The following ST14 variants were observed in gnomAD, a reference collection of about 807,000 sequenced individuals.
The protein encoded by ST14 is ST14 transmembrane serine protease matriptase.
ST14 carries 40 observed loss-of-function variants against 96.5 expected under a neutral mutation model. That is an observed-to-expected ratio of 0.41 (90% CI 0.32 to 0.54). The LOEUF (loss-of-function observed/expected upper bound fraction) is 0.54, where lower values mean the gene tolerates loss of function less well. Ranked by LOEUF, ST14 falls within the 20% of genes least tolerant of loss-of-function variation. The probability of loss-of-function intolerance (pLI) is 0.17; values close to 1 mark genes in which losing one functional copy is unlikely to be tolerated. For missense variants in ST14, 1,066 were observed against 1,188.9 expected, an observed-to-expected ratio of 0.90 and a Z score of 1.52; for synonymous variants, 506 against 492.1, an observed-to-expected ratio of 1.03 and a Z score of -0.37.
chr11:130,186,609 C>A (rs1219982990), intron 1 of ST14, among the ~76,000 whole-genome samples: 1 of 152,034 alleles, frequency 6.6e-6, no homozygotes, highest in Non-Finnish European at 1.5e-5. Flanking sequence ...GCAGGAAAAA[C>A]AAAGACATAT....
chr11:130,160,823 G>T (rs778601277), intron 1 of ST14, among the ~76,000 whole-genome samples: 10 of 152,218 alleles, frequency 6.6e-5, no homozygotes, highest in Admixed American at 1.3e-4. Flanking sequence ...CCACCTAGGT[G>T]GTAGTGCCCG....
chr11:130,195,846 T>C (rs1269895821), intron 9 of ST14, among the ~76,000 whole-genome samples: 1 of 45,476 alleles, frequency 2.2e-5, no homozygotes, highest in East Asian at 1.1e-3. Flanking sequence ...GAGTGAGACT[T>C]TGTCTCAAAA....
At chr11:130,172,914 C>T (rs753467525) in intron 1 of ST14, among the ~76,000 whole-genome samples, 3 of 152,172 alleles carry the variant, frequency 2.0e-5, no homozygotes. Flanking sequence ...ACGAGCCTCA[C>T]GCATCTGCAG....
intron 1 of ST14, among the ~76,000 whole-genome samples, chr11:130,170,030 A>G (rs1953076327): frequency 6.6e-6 from 1 of 152,142 alleles, no homozygotes; most frequent in East Asian, 1.9e-4. Flanking sequence ...TGCAAACTAA[A>G]TGGGATCGAA....
At chr11:130,195,108 G>A (rs548609301) in intron 9 of ST14, among the ~76,000 whole-genome samples, 2 of 152,142 alleles carry the variant, frequency 1.3e-5, no homozygotes, top group African/African-American at 2.4e-5. Context: ...AATTAGCCAG[G>A]CAGGTGATAC....
chr11:130,160,492 C>T (rs1443937848), intron 1 of ST14, among the ~76,000 whole-genome samples: 1 of 152,168 alleles, frequency 6.6e-6, no homozygotes. Context: ...TTTCGTCTCT[C>T]TCCTTCCCCG....
chr11:130,192,215 C>G (rs1404437936), intron 7 of ST14, among the ~76,000 whole-genome samples: 2 of 152,148 alleles, frequency 1.3e-5, no homozygotes, highest in African/African-American at 4.8e-5. Context: ...AAATTCAGGC[C>G]AAGAACAACC....
At chr11:130,192,088 C>T (rs1565624792) in intron 7 of ST14, among the ~76,000 whole-genome samples, 1 of 152,214 alleles carries the variant, frequency 6.6e-6, no homozygotes, top group South Asian at 2.1e-4. Context: ...GGGCGTACCT[C>T]GCAGAGGTGC....
At chr11:130,180,326 A>G (rs888375814) in intron 1 of ST14, among the ~76,000 whole-genome samples, 2 of 152,192 alleles carry the variant, frequency 1.3e-5, no homozygotes, top group African/African-American at 2.4e-5. Flanking sequence ...TGAGGTTTCC[A>G]GGTTCAGCCG....
chr11:130,190,040 TA>T, intron 5 of ST14, 72 bp from the exon 6 acceptor site: 3 of 1,612,324 alleles, frequency 1.9e-6, no homozygotes, highest in Non-Finnish European at 2.5e-6. Context: ...CACCTCCCTT[TA>T]GATAATAAGG....
chr11:130,183,542 TAA>T lies in ST14; in HGVS notation c.82-4554_82-4553del, dbSNP rs751348726. ...GGCAACATAGCAAGACCCTGTATCTTAAAAAAAAAAAAAAAAAAAGATTGCAT... is the reference window on the plus strand; with the variant it reads ...GGCAACATAGCAAGACCCTGTATCTTAAAAAAAAAAAAAAAAAGATTGCAT... On this transcript the variant is annotated intron_variant, in intron 1 of 18. Coordinates refer to ENST00000278742, the MANE Select transcript of ST14 (RefSeq NM_021978.4). 9.2e-3 allele frequency among the ~76,000 whole-genome samples: 1,169 copies of T among 126,868 alleles called. 11 individuals carry two copies. Among genetic ancestry groups the T allele is most frequent in the African/African-American group, 0.028 (1,015 of 35,656 alleles). The allele number at this position is 126,868 out of a possible 152,430, so 83.2% of individuals were successfully genotyped here.
intron 16 of ST14, among the ~76,000 whole-genome samples, chr11:130,205,699 GTTTTTTTTTTTGT>G (rs1177393074): frequency 3.2e-5 from 3 of 94,662 alleles, no homozygotes; most frequent in South Asian, 4.3e-4. Flanking sequence ...TTCTTTAGAC[GTTTTTTTTTTTGT>G]TTTTTTTTTT....
At position 130,181,407 on chromosome 11, in the gene ST14, G is replaced by T. The variant is rs1953191860; in HGVS notation, c.82-6707G>T. On this transcript the variant is annotated intron_variant, in intron 1 of 18. Transcript: ENST00000278742. This position sits in a 1 kb window ranked among gnomAD's most constrained non-coding sequence, Gnocchi z 4.1. Reference sequence around the variant, plus strand: ...TAACTACAGTGGGCCAGCAGGAAGAGGCTGTGATATTTACATGGCCTCTAT... The same window carrying T: ...TAACTACAGTGGGCCAGCAGGAAGATGCTGTGATATTTACATGGCCTCTAT... Among the ~76,000 whole-genome samples the T allele has an allele frequency of 1.3e-5, 2 of 152,222 alleles. No individual in the cohort carries two copies. The highest frequency in any genetic ancestry group is 1.3e-4 in the Admixed American group (2 of 15,278).
At chr11:130,169,314 T>C (rs1953068847) in intron 1 of ST14, among the ~76,000 whole-genome samples, 1 of 152,132 alleles carries the variant, frequency 6.6e-6, no homozygotes, top group South Asian at 2.1e-4. Flanking sequence ...AGACTGGTCT[T>C]GAAATCCTGA....
chr11:130,182,806 C>T (rs1016047821), intron 1 of ST14, among the ~76,000 whole-genome samples: 1 of 151,836 alleles, frequency 6.6e-6, no homozygotes, highest in Non-Finnish European at 1.5e-5. Flanking sequence ...TCCGCCACCA[C>T]ACCTGGCTAA....
chr11:130,208,017 G>A (rs1230889701), intron 16 of ST14, among the ~76,000 whole-genome samples: 1 of 152,114 alleles, frequency 6.6e-6, no homozygotes, highest in Non-Finnish European at 1.5e-5. Flanking sequence ...ATTGCAGTGA[G>A]CCGAGATCAT....
In ST14 at chr11:130,198,431, G is replaced by A. The variant is rs1345038673; in HGVS notation, c.1570+13G>A. On this transcript the variant is annotated intron_variant, in intron 13 of 18. Coordinates refer to ENST00000278742, the MANE Select transcript of ST14 (RefSeq NM_021978.4). The stretch of plus-strand genomic sequence containing the variant: ...GAGCAGGGGTGCAGTGAGTGCTGGG[G>A]AGGGGCTGCCTGGGCGGGCAGGTGG... 1 of 1,613,866 alleles carries A rather than the reference G, an allele frequency of 6.2e-7. No homozygotes were observed.
At chr11:130,176,379 T>TA (rs928252323) in intron 1 of ST14, among the ~76,000 whole-genome samples, 15 of 151,822 alleles carry the variant, frequency 9.9e-5, no homozygotes, top group Admixed American at 9.8e-4. Flanking sequence ...CCTTTTTTTT[T>TA]TTTCTTTTTC....
At chr11:130,204,874 G>A (rs1004425982) in intron 16 of ST14, among the ~76,000 whole-genome samples, 1 of 152,058 alleles carries the variant, frequency 6.6e-6, no homozygotes, top group African/African-American at 2.4e-5. Context: ...ACCAGGGCTC[G>A]GGTGGGCACG....
Sources: allele counts gnomAD v4.1 joint callset (sites outside exome capture counted in the v4.1 genomes callset), GRCh38; gene constraint gnomAD v4.1.1; non-coding constraint Gnocchi (gnomAD v3.1); transcripts MANE v1.5; gene names NCBI Gene and HGNC (gene_info 2026-07-23, HGNC 2026-07-21).